The following PRKX variants were observed in gnomAD, a reference collection of about 807,000 sequenced individuals.
PRKX encodes the protein cAMP-dependent protein kinase catalytic subunit PRKX.
Under a neutral mutation model 22.0 loss-of-function variants are expected in PRKX, and 12 were observed. That is an observed-to-expected ratio of 0.54 (90% CI 0.35 to 0.88). PRKX has a LOEUF of 0.88. PRKX is among the 40% of genes least tolerant of loss of function. PRKX has a pLI of 0.01. For synonymous variants in PRKX, 134 were observed against 137.7 expected, an observed-to-expected ratio of 0.97 and a Z score of 0.19; for missense variants, 217 against 308.0, an observed-to-expected ratio of 0.70 and a Z score of 2.21.
rs777525004 is a variant in PRKX at position 3,611,133 on chromosome X, T to C, written c.*23+1044A>G. On this transcript the variant is annotated intron_variant, in intron 8 of 8. Transcript: ENST00000262848. ...GTCATAGCCACCTATTCCTCTATCATTTTGTTGTCTATTATTTCAATTTGT... is the reference window on the plus strand; with the variant it reads ...GTCATAGCCACCTATTCCTCTATCACTTTGTTGTCTATTATTTCAATTTGT... The C allele has an allele frequency of 3.6e-5, 4 of 111,808 alleles. No homozygotes were observed. In the East Asian group the frequency reaches 1.1e-3, roughly 32 times the overall value. The allele number at this position is 111,808 out of a possible 1,213,427, so 9.2% of individuals were successfully genotyped here.
chrX:3,630,617 G>A (rs888117924), intron 4 of PRKX, among the ~76,000 whole-genome samples: 2 of 111,846 alleles, frequency 1.8e-5, no homozygotes, highest in Non-Finnish European at 3.8e-5. Flanking sequence ...GCATGGCTGG[G>A]GAGGCCTCAG....
chrX:3,690,969 G>C (rs753330749), intron 1 of PRKX, among the ~76,000 whole-genome samples: 1 of 111,755 alleles, frequency 8.9e-6, no homozygotes. Flanking sequence ...CCAGGTTAAA[G>C]ATACATCCTA....
chrX:3,683,045 C>T (rs1208460973), intron 1 of PRKX, among the ~76,000 whole-genome samples: 1 of 111,186 alleles, frequency 9.0e-6, no homozygotes, highest in African/African-American at 3.3e-5. Context: ...CCTGGAGCCC[C>T]CAGGAGCTGG....
At chrX:3,692,202 C>A (rs1312804590) in intron 1 of PRKX, among the ~76,000 whole-genome samples, 2 of 109,356 alleles carry the variant, frequency 1.8e-5, no homozygotes, top group Admixed American at 9.8e-5. Context: ...CCTAGCACTG[C>A]CGACATTTGA....
At chrX:3,618,116 G>A (rs747331874) in intron 6 of PRKX, among the ~76,000 whole-genome samples, 11,754 of 107,176 alleles carry the variant, frequency 0.11, 634 homozygotes, top group Middle Eastern at 0.19. Flanking sequence ...GACAAATACA[G>A]TCTGACCTCA....
chrX:3,679,003 ATC>A (rs1928018950), intron 1 of PRKX, among the ~76,000 whole-genome samples: 1 of 111,612 alleles, frequency 9.0e-6, no homozygotes, highest in Non-Finnish European at 1.9e-5. Flanking sequence ...GATCCCCTCC[ATC>A]TCTCTCCAAG....
At chrX:3,627,392 TAA>T (rs35645553) in intron 4 of PRKX, among the ~76,000 whole-genome samples, 85 of 49,277 alleles carry the variant, frequency 1.7e-3, no homozygotes, top group African/African-American at 4.1e-3. Flanking sequence ...CAAAAAAAAT[TAA>T]AAAAAAAAAA....
At chrX:3,626,626 C>T in intron 4 of PRKX, 112 bp from the exon 5 acceptor site, 1 of 603,649 alleles carries the variant, frequency 1.7e-6, no homozygotes, top group Non-Finnish European at 2.7e-6. Context: ...ATTTATTTCA[C>T]ATGCTCTTCC....
chrX:3,703,383 T>A (rs1025458815), intron 1 of PRKX, among the ~76,000 whole-genome samples: 15 of 111,894 alleles, frequency 1.3e-4, no homozygotes, highest in African/African-American at 4.6e-4. Context: ...CCCAGAGGTG[T>A]CCCACAGGAA....
At chrX:3,652,545 C>G (rs1927358704) in intron 3 of PRKX, among the ~76,000 whole-genome samples, 1 of 110,949 alleles carries the variant, frequency 9.0e-6, no homozygotes, top group Admixed American at 9.6e-5. Flanking sequence ...GATTGTGCCA[C>G]TGCACTCCAG....
At chrX:3,619,223 C>T (rs976529886) in intron 6 of PRKX, among the ~76,000 whole-genome samples, 4 of 112,143 alleles carry the variant, frequency 3.6e-5, no homozygotes, top group African/African-American at 1.3e-4. Flanking sequence ...GGAGGAGACA[C>T]AAACATAGAG....
At chrX:3,702,707 T>A (rs1928602777) in intron 1 of PRKX, among the ~76,000 whole-genome samples, 1 of 96,709 alleles carries the variant, frequency 1.0e-5, no homozygotes, top group African/African-American at 3.9e-5. Context: ...TTTTTTTTTT[T>A]AATTGAGGCA....
At chrX:3,674,843 G>A (rs1221883682) in intron 1 of PRKX, 77 bp from the exon 2 acceptor site, 66 of 1,118,406 alleles carry the variant, frequency 5.9e-5, no homozygotes, top group Admixed American at 1.5e-4. Flanking sequence ...TGCAATCAGC[G>A]GGGGGCTGCA....
At chrX:3,633,020 C>T (rs1926815918) in intron 4 of PRKX, among the ~76,000 whole-genome samples, 1 of 110,958 alleles carries the variant, frequency 9.0e-6, no homozygotes, top group Non-Finnish European at 1.9e-5. Context: ...GAGTTCAAGA[C>T]CAGCCTGGAC....
At chrX:3,651,996 C>T (rs1272335978) in intron 3 of PRKX, among the ~76,000 whole-genome samples, 1 of 111,380 alleles carries the variant, frequency 9.0e-6, no homozygotes, top group Non-Finnish European at 1.9e-5. Flanking sequence ...CTTTTTATGA[C>T]TGTTGATTTT....
chrX:3,682,570 T>C (rs1260055647), intron 1 of PRKX, among the ~76,000 whole-genome samples: 1 of 110,685 alleles, frequency 9.0e-6, no homozygotes, highest in Non-Finnish European at 1.9e-5. Flanking sequence ...TATATTAAGG[T>C]GAGGTCATCC....
At chrX:3,618,028 C>T (rs1174586153) in intron 6 of PRKX, among the ~76,000 whole-genome samples, 2 of 92,470 alleles carry the variant, frequency 2.2e-5, no homozygotes, top group African/African-American at 4.2e-5. Context: ...TGGCTCACTG[C>T]AACCTCCGCC....
At chrX:3,671,184 C>T (rs904155345) in intron 2 of PRKX, among the ~76,000 whole-genome samples, 4 of 111,156 alleles carry the variant, frequency 3.6e-5, no homozygotes, top group East Asian at 2.8e-4. Context: ...TATAGACGTG[C>T]GCCACCACGC....
intron 7 of PRKX, among the ~76,000 whole-genome samples, chrX:3,613,456 T>A (rs189723015): frequency 4.3e-4 from 47 of 110,138 alleles, no homozygotes; most frequent in Non-Finnish European, 7.4e-4. Context: ...ATTGACTTGG[T>A]TTTTGACCAA....
Sources: allele counts gnomAD v4.1 joint callset (sites outside exome capture counted in the v4.1 genomes callset), GRCh38; gene constraint gnomAD v4.1.1; transcripts MANE v1.5; gene names NCBI Gene and HGNC (gene_info 2026-07-23, HGNC 2026-07-21).